CAMK2A: variants seen among roughly 807,000 people sequenced by gnomAD.
CAMK2A encodes the protein calcium/calmodulin dependent protein kinase II alpha.
CAMK2A carries 7 observed loss-of-function variants against 79.2 expected under a neutral mutation model. The ratio of observed to expected loss-of-function variants is 0.09; its 90% CI spans 0.05 to 0.17. The LOEUF is 0.17. Among genes scored for constraint, CAMK2A ranks in the 10% least tolerant of loss-of-function variants. The probability of loss-of-function intolerance (pLI) is 1.00; values close to 1 mark genes in which losing one functional copy is unlikely to be tolerated. For missense variants in CAMK2A, 214 were observed against 646.4 expected (o/e 0.33, Z 7.25); for synonymous variants, 242 against 251.7 (o/e 0.96, Z 0.36).
intron 1 of CAMK2A, among the ~76,000 whole-genome samples, chr5:150,276,758 C>T (rs985519847): frequency 2.6e-5 from 4 of 152,094 alleles, no homozygotes; most frequent in Non-Finnish European, 5.9e-5. Context: ...TGGTCCAGAG[C>T]TACAGCTCAA....
chr5:150,256,658 A>G lies in CAMK2A; in HGVS notation c.339-13T>C. On this transcript the variant is annotated splice_polypyrimidine_tract_variant and intron_variant, in intron 5 of 18. Coordinates refer to ENST00000671881, the MANE Select transcript of CAMK2A (RefSeq NM_015981.4). The surrounding 1 kb of genome is among the most constrained non-coding windows in gnomAD (Gnocchi z 4.6). ...CTGGATACAGTGACTAGGGAGAGAG[A>G]GAGGAAGGGGTCATGGTGGTGTGAG... The G allele has an allele frequency of 1.2e-6, 2 of 1,613,436 alleles. No individual in the cohort carries two copies. The highest frequency in any genetic ancestry group is 1.7e-6 in the Non-Finnish European group (2 of 1,179,472).
At chr5:150,239,142 G>A (rs1244897916) in intron 14 of CAMK2A, among the ~76,000 whole-genome samples, 3 of 152,230 alleles carry the variant, frequency 2.0e-5, no homozygotes, top group African/African-American at 7.2e-5. Flanking sequence ...TGTGAGAGAT[G>A]GTGGGCTCTT....
intron 3 of CAMK2A, among the ~76,000 whole-genome samples, chr5:150,261,879 C>T (rs779870140): frequency 6.6e-6 from 1 of 152,210 alleles, no homozygotes; most frequent in Non-Finnish European, 1.5e-5. Context: ...CCACTTAGCA[C>T]AGCACCTGGC....
intron 13 of CAMK2A, among the ~76,000 whole-genome samples, chr5:150,243,753 G>A (rs1026567660): frequency 5.3e-5 from 8 of 152,194 alleles, no homozygotes; most frequent in Non-Finnish European, 1.0e-4. Flanking sequence ...CTCACCAATA[G>A]GCTTAGGAGG....
intron 2 of CAMK2A, among the ~76,000 whole-genome samples, chr5:150,271,452 G>C (rs1422611937): frequency 6.6e-6 from 1 of 152,222 alleles, no homozygotes; most frequent in African/African-American, 2.4e-5. Context: ...CCTGCCGGGA[G>C]GCCTGCGGGG....
chr5:150,224,746 C>T (rs1356013579), intron 17 of CAMK2A, among the ~76,000 whole-genome samples: 2 of 152,120 alleles, frequency 1.3e-5, no homozygotes, highest in Non-Finnish European at 2.9e-5. Context: ...TGACAGCATT[C>T]AGGGCTGGAG....
At chr5:150,226,518 C>T (rs1409683197) in intron 17 of CAMK2A, among the ~76,000 whole-genome samples, 1 of 151,994 alleles carries the variant, frequency 6.6e-6, no homozygotes, top group African/African-American at 2.4e-5. Flanking sequence ...AGGCAGATCA[C>T]CTGAGGTCTG....
Position 150,256,223 on chromosome 5 carries a change from C to T in CAMK2A, c.411+350G>A, listed in dbSNP as rs1452030742. 6.6e-6 allele frequency among the ~76,000 whole-genome samples: 1 copy of T among 152,176 alleles called. No individual in the cohort carries two copies. The highest frequency in any genetic ancestry group is 6.5e-5 in the Admixed American group (1 of 15,282). ...GAATCTGAGGCTCAGGAAGGTCATG[C>T]TACTAAAGGCTGCATGGCTGGAAAG... On this transcript the variant is annotated intron_variant, in intron 6 of 18. Transcript: ENST00000671881. The surrounding 1 kb of genome is among the most constrained non-coding windows in gnomAD (Gnocchi z 4.6).
At chr5:150,268,438 C>A (rs1438659516) in intron 2 of CAMK2A, among the ~76,000 whole-genome samples, 11 of 152,172 alleles carry the variant, frequency 7.2e-5, no homozygotes, top group Non-Finnish European at 1.2e-4. Context: ...CACAACGTCA[C>A]CTCCTTAGAG....
At chr5:150,230,343 G>GAAAAA in intron 16 of CAMK2A, among the ~76,000 whole-genome samples, 1 of 123,576 alleles carries the variant, frequency 8.1e-6, no homozygotes, top group South Asian at 2.6e-4. Context: ...AAAAAAAAGG[G>GAAAAA]AAAAAAAAAA....
intron 18 of CAMK2A, 106 bp downstream of exon 18, chr5:150,222,883 G>A (rs1044015859): frequency 1.4e-6 from 2 of 1,397,062 alleles, no homozygotes; most frequent in East Asian, 2.3e-5. Context: ...ACCCCACTCT[G>A]CAGCCTTTCA....
At chr5:150,253,103 T>C (rs1755901856) in intron 7 of CAMK2A, among the ~76,000 whole-genome samples, 1 of 152,206 alleles carries the variant, frequency 6.6e-6, no homozygotes, top group African/African-American at 2.4e-5. Flanking sequence ...CTCAAGCACC[T>C]AGACTATTAG....
At chr5:150,276,971 C>T (rs1285402711) in intron 1 of CAMK2A, among the ~76,000 whole-genome samples, 3 of 152,162 alleles carry the variant, frequency 2.0e-5, no homozygotes, top group Admixed American at 6.5e-5. Flanking sequence ...GGCTCACGCC[C>T]GCAATCCCAG....
chr5:150,277,867 C>A (rs1195156635), intron 1 of CAMK2A, among the ~76,000 whole-genome samples: 3 of 152,222 alleles, frequency 2.0e-5, no homozygotes, highest in African/African-American at 7.2e-5. Flanking sequence ...GAATTCTGAT[C>A]TCCCATTTAA....
At chr5:150,231,669 T>C (rs1754851463) in intron 15 of CAMK2A, among the ~76,000 whole-genome samples, 1 of 150,382 alleles carries the variant, frequency 6.6e-6, no homozygotes, top group Non-Finnish European at 1.5e-5. Flanking sequence ...AGAGCCAGTG[T>C]CTCTGTTGGC....
At chr5:150,263,495 ACACT>A (rs1756381815) in intron 3 of CAMK2A, among the ~76,000 whole-genome samples, 1 of 140,680 alleles carries the variant, frequency 7.1e-6, no homozygotes, top group Non-Finnish European at 1.5e-5. Flanking sequence ...ATACACTCAC[ACACT>A]CACATACACA....
intron 1 of CAMK2A, among the ~76,000 whole-genome samples, chr5:150,277,371 C>T (rs1756992121): frequency 6.6e-6 from 1 of 152,218 alleles, no homozygotes; most frequent in African/African-American, 2.4e-5. Context: ...CGGGGAAGTC[C>T]TGCTGTGTAT....
chr5:150,258,426 G>A (rs917274149), intron 3 of CAMK2A, among the ~76,000 whole-genome samples: 1 of 152,212 alleles, frequency 6.6e-6, no homozygotes, highest in Non-Finnish European at 1.5e-5. Context: ...AGTGAATGAC[G>A]ATTCATCCGC....
intron 1 of CAMK2A, among the ~76,000 whole-genome samples, chr5:150,278,077 C>T (rs1361888794): frequency 6.6e-6 from 1 of 152,236 alleles, no homozygotes; most frequent in Admixed American, 6.5e-5. Flanking sequence ...GAACTTGACA[C>T]ATCACCTTTC....
Sources: gnomAD v4.1 joint callset for allele counts (sites outside exome capture counted in the v4.1 genomes callset) on GRCh38, gnomAD v4.1.1 for gene constraint, Gnocchi (gnomAD v3.1) non-coding constraint, MANE v1.5 for transcripts, NCBI Gene and HGNC (gene_info 2026-07-23, HGNC 2026-07-21) for gene names.